Variants in ZNF891 observed in about 807,000 individuals in gnomAD.
The protein encoded by ZNF891 is hCG1646157.
For synonymous variants in ZNF891, 199 were observed against 209.0 expected (o/e 0.95, Z 0.41); for missense variants, 589 against 632.7 (o/e 0.93, Z 0.74).
In ZNF891 at chr12:133,117,985, T is replaced by A. The variant is rs892692708; in HGVS notation, c.*2299A>T. The A allele has an allele frequency of 1.4e-5, 2 of 144,626 alleles. No individual in the cohort carries two copies. Among genetic ancestry groups the A allele is most frequent in the Non-Finnish European group, 3.0e-5 (2 of 66,828 alleles). 9.0% of individuals were successfully genotyped at this position (144,626 alleles called of 1,614,324 possible). On this transcript the variant is annotated 3_prime_UTR_variant, in exon 2 of 2. Transcript: ENST00000537226. The stretch of plus-strand genomic sequence containing the variant: ...TTTTTTGAGATGAAGTCCTGCTCTG[T>A]CACCAGGCTGGAGTGCAGTGGTGAG...
chr12:133,107,020 G>A lies in ZNF891; in HGVS notation c.*13264C>T, dbSNP rs970525329. On this transcript the variant is annotated 3_prime_UTR_variant, in exon 2 of 2. Transcript: ENST00000537226. ...AAAGCCAGAGATTAGCCCTCATTCC[G>A]CATCTGTCAACCAGGACAGAAAGCA... The A allele has an allele frequency of 1.8e-5, 3 of 163,504 alleles. No homozygotes were observed. The highest frequency in any genetic ancestry group is 1.8e-4 in the Admixed American group (3 of 16,582). 10.1% of individuals were successfully genotyped at this position (163,504 alleles called of 1,614,324 possible). A position where few individuals can be genotyped will look rare whatever the true frequency, so the allele number is the denominator to read the frequency against.
chr12:133,106,764 A>C lies in ZNF891; in HGVS notation c.*13520T>G. ...CCTTATGTGAAAGTGATGACTGTGA[A>C]GTAATATGGCCCACACTTTATTCAC... On this transcript the variant is annotated 3_prime_UTR_variant, in exon 2 of 2. Coordinates refer to ENST00000537226, the MANE Select transcript of ZNF891 (RefSeq NM_001277291.2). 1.0e-6 allele frequency: 1 copy of C among 996,316 alleles called. No homozygotes were observed. The highest frequency in any genetic ancestry group is 1.9e-5 in the South Asian group (1 of 53,184). The allele number at this position is 996,316 out of a possible 1,614,324, so 61.7% of individuals were successfully genotyped here.
chr12:133,126,473 CAAAAA>C (rs869209894), intron 1 of ZNF891, among the ~76,000 whole-genome samples: 2 of 58,346 alleles, frequency 3.4e-5, no homozygotes, highest in African/African-American at 1.3e-4. Context: ...GACTCCGTCT[CAAAAA>C]AAAAAAAAAA....
chr12:133,122,001 G>C lies in ZNF891; in HGVS notation c.-83C>G. 7.1e-7 allele frequency: 1 copy of C among 1,407,366 alleles called. No homozygotes were observed. Among genetic ancestry groups the C allele is most frequent in the Non-Finnish European group, 9.2e-7 (1 of 1,083,554 alleles). 87.2% of individuals were successfully genotyped at this position (1,407,366 alleles called of 1,614,324 possible). On this transcript the variant is annotated 5_prime_UTR_variant, in exon 2 of 2. It adds an upstream start codon to the 5' untranslated region. Coordinates refer to ENST00000537226, the MANE Select transcript of ZNF891 (RefSeq NM_001277291.2). ...GTGTCTCCAATCCAGTCACAGGAGG[G>C]ATGCATTTCACCCGAAGTTCTCCCT...
rs781218697 is a variant in ZNF891, at chr12:133,106,293, G to A, written c.*13991C>T. 34 of 1,614,054 alleles carry A rather than the reference G, an allele frequency of 2.1e-5. No homozygotes were observed. Among genetic ancestry groups the A allele is most frequent in the African/African-American group, 1.9e-4 (14 of 74,930 alleles). The stretch of plus-strand genomic sequence containing the variant: ...TGTAATGAATGTAGGAAAGCTTTCC[G>A]TTGTCACTCATTCCTTATTAAACAT... On this transcript the variant is annotated 3_prime_UTR_variant, in exon 2 of 2. Transcript: ENST00000537226.
chr12:133,117,636 A>G lies in ZNF891; in HGVS notation c.*2648T>C, dbSNP rs1241187757. On this transcript the variant is annotated 3_prime_UTR_variant, in exon 2 of 2. Transcript: ENST00000537226. Reference sequence around the variant, plus strand: ...GCTGCATATTAAACCTCACCATACTACATTCATCACATTAGAATTCAAACA... The same window carrying G: ...GCTGCATATTAAACCTCACCATACTGCATTCATCACATTAGAATTCAAACA... 6.6e-6 allele frequency: 1 copy of G among 152,248 alleles called. No individual in the cohort carries two copies. Among genetic ancestry groups the G allele is most frequent in the Admixed American group, 6.5e-5 (1 of 15,286 alleles). The allele number at this position is 152,248 out of a possible 1,614,324, so 9.4% of individuals were successfully genotyped here. A position where few individuals can be genotyped will look rare whatever the true frequency, so the allele number is the denominator to read the frequency against.
chr12:133,106,260 C>G lies in ZNF891; in HGVS notation c.*14024G>C, dbSNP rs145642591. On this transcript the variant is annotated 3_prime_UTR_variant, in exon 2 of 2. Coordinates refer to ENST00000537226, the MANE Select transcript of ZNF891 (RefSeq NM_001277291.2). ...CAGAGCATCCATACAACCAAAACCCCGTATGAATGTAATGAATGTAGGAAA... is the reference window on the plus strand; with the variant it reads ...CAGAGCATCCATACAACCAAAACCCGGTATGAATGTAATGAATGTAGGAAA... The G allele has an allele frequency of 5.6e-6, 9 of 1,614,138 alleles. No individual in the cohort carries two copies. The highest frequency in any genetic ancestry group is 6.8e-6 in the Non-Finnish European group (8 of 1,180,016).
In ZNF891 at chr12:133,106,353, GTGA is replaced by G; in HGVS notation, c.*13928_*13930del. The G allele has an allele frequency of 6.2e-7, 1 of 1,614,128 alleles. No individual in the cohort carries two copies. The highest frequency in any genetic ancestry group is 8.5e-7 in the Non-Finnish European group (1 of 1,179,996). ...CATGCTGGAGAAAAGCTCTATGAAT[GTGA>G]TGAATGTGGTAAAGTTTTCACTTGG... On this transcript the variant is annotated 3_prime_UTR_variant, in exon 2 of 2. Transcript: ENST00000537226.
chr12:133,125,330 T>C (rs1955804501), intron 1 of ZNF891: 1 of 152,484 alleles, frequency 6.6e-6, no homozygotes, highest in East Asian at 1.9e-4. Flanking sequence ...ATAAATTTGA[T>C]ATAAAGGAAT....
rs201035536 is a variant in ZNF891, at chr12:133,105,482, C to T, written c.*14802G>A. 5 of 1,538,220 alleles carry T rather than the reference C, an allele frequency of 3.3e-6. No individual in the cohort carries two copies. Among genetic ancestry groups the T allele is most frequent in the Non-Finnish European group, 4.4e-6 (5 of 1,145,508 alleles). ...TTTTATTCAATACAGGAAAAAGAAA[C>T]ATTCACTTTTTTTTTGGTATCTTTC... On this transcript the variant is annotated 3_prime_UTR_variant, in exon 2 of 2. Transcript: ENST00000537226.
In ZNF891 at chr12:133,106,543, C is replaced by T. The variant is rs575133240; in HGVS notation, c.*13741G>A. 2 of 1,613,994 alleles carry T rather than the reference C, an allele frequency of 1.2e-6. No homozygotes were observed. Among genetic ancestry groups the T allele is most frequent in the Admixed American group, 3.3e-5 (2 of 60,028 alleles). ...TATGTAAGGTATGCAACAAATCCTT[C>T]AGCTGGAGCTCAAACCTTGCTAAAC... On this transcript the variant is annotated 3_prime_UTR_variant, in exon 2 of 2. Transcript: ENST00000537226.
Position 133,106,665 on chromosome 12 carries a change from A to G in ZNF891, c.*13619T>C, listed in dbSNP as rs1421384981. Reference sequence around the variant, plus strand: ...GAACACCAGTGAATTTACACTGCAAAGAAAAACTATGAATGTATGGAATTT... The same window carrying G: ...GAACACCAGTGAATTTACACTGCAAGGAAAAACTATGAATGTATGGAATTT... On this transcript the variant is annotated 3_prime_UTR_variant, in exon 2 of 2. Transcript: ENST00000537226. The G allele has an allele frequency of 1.3e-6, 2 of 1,544,336 alleles. No individual in the cohort carries two copies. Among genetic ancestry groups the G allele is most frequent in the Non-Finnish European group, 8.7e-7 (1 of 1,153,426 alleles).
rs940273693 is a variant in ZNF891 at position 133,105,307 on chromosome 12, T to C, written c.*14977A>G. On this transcript the variant is annotated 3_prime_UTR_variant, in exon 2 of 2. Transcript: ENST00000537226. The stretch of plus-strand genomic sequence containing the variant: ...CTTTCAATTACTTACGTTTACACTT[T>C]CTCTTTATTTACCTATATGTCTATC... Among the ~76,000 whole-genome samples the C allele has an allele frequency of 9.9e-5, 15 of 152,226 alleles. No homozygotes were observed. The highest frequency in any genetic ancestry group is 1.5e-5 in the Non-Finnish European group (1 of 68,042).
In ZNF891 at chr12:133,117,875, A is replaced by G. The variant is rs1955724139; in HGVS notation, c.*2409T>C. 1 of 151,760 alleles carries G rather than the reference A, an allele frequency of 6.6e-6. No individual in the cohort carries two copies. The highest frequency in any genetic ancestry group is 1.5e-5 in the Non-Finnish European group (1 of 67,988). The allele number at this position is 151,760 out of a possible 1,614,324, so 9.4% of individuals were successfully genotyped here. The stretch of plus-strand genomic sequence containing the variant: ...TCACAAATGATCTTCACTTGGCTGT[A>G]TATGTTTACCTTTTTAGACTTCATC... On this transcript the variant is annotated 3_prime_UTR_variant, in exon 2 of 2. Coordinates refer to ENST00000537226, the MANE Select transcript of ZNF891 (RefSeq NM_001277291.2).
rs1179251814 is a variant in ZNF891, at chr12:133,112,596, A to T, written c.*7688T>A. On this transcript the variant is annotated 3_prime_UTR_variant, in exon 2 of 2. Transcript: ENST00000537226. ...TCTGCCTCCCGAAAACACTGGGATT[A>T]CAGGCGTGCGCCACTGCGCCTAGCC... 1 of 152,410 alleles carries T rather than the reference A, an allele frequency of 6.6e-6. No individual in the cohort carries two copies. The highest frequency in any genetic ancestry group is 1.5e-5 in the Non-Finnish European group (1 of 68,184). 9.4% of individuals were successfully genotyped at this position (152,410 alleles called of 1,614,324 possible).
Position 133,106,405 on chromosome 12 carries a change from G to A in ZNF891, c.*13879C>T, listed in dbSNP as rs779753365. 39 of 1,613,988 alleles carry A rather than the reference G, an allele frequency of 2.4e-5. No individual in the cohort carries two copies. In the Admixed American group the frequency reaches 3.3e-4, roughly 14 times the overall value. ...GGCATGCATCCCTTATTCAACATAC[G>A]AAGAGTCACACTGGAGAGAAACCCT... On this transcript the variant is annotated 3_prime_UTR_variant, in exon 2 of 2. Coordinates refer to ENST00000537226, the MANE Select transcript of ZNF891 (RefSeq NM_001277291.2).
At position 133,115,323 on chromosome 12, in the gene ZNF891, G is replaced by A. The variant is rs1273084868; in HGVS notation, c.*4961C>T. On this transcript the variant is annotated 3_prime_UTR_variant, in exon 2 of 2. Transcript: ENST00000537226. ...CAGGAGAATTGCTTGAACCCAGGAG[G>A]CAGAGGTTGCTGTGAGCCGAGAACG... 1.4e-5 allele frequency: 2 copies of A among 145,046 alleles called. No homozygotes were observed. Among genetic ancestry groups the A allele is most frequent in the East Asian group, 4.0e-4 (2 of 4,960 alleles). 9.0% of individuals were successfully genotyped at this position (145,046 alleles called of 1,614,324 possible).
At position 133,106,840 on chromosome 12, in the gene ZNF891, C is replaced by T; in HGVS notation, c.*13444G>A. On this transcript the variant is annotated 3_prime_UTR_variant, in exon 2 of 2. Coordinates refer to ENST00000537226, the MANE Select transcript of ZNF891 (RefSeq NM_001277291.2). Reference sequence around the variant, plus strand: ...AATATGTGGAAAAGCCATTAATAACCACTCTTTTATTTTTTTGCAATAACA... The same window carrying T: ...AATATGTGGAAAAGCCATTAATAACTACTCTTTTATTTTTTTGCAATAACA... The T allele has an allele frequency of 2.1e-6, 1 of 466,604 alleles. No individual in the cohort carries two copies. The highest frequency in any genetic ancestry group is 3.7e-6 in the Non-Finnish European group (1 of 270,960). 28.9% of individuals were successfully genotyped at this position (466,604 alleles called of 1,614,324 possible).
chr12:133,126,625 A>G (rs1406290038), intron 1 of ZNF891, among the ~76,000 whole-genome samples: 2 of 150,600 alleles, frequency 1.3e-5, no homozygotes, highest in Non-Finnish European at 3.0e-5. Flanking sequence ...AGCCTGGCCA[A>G]CACAGTGAAA....
Sources: gnomAD v4.1 joint callset for allele counts (sites outside exome capture counted in the v4.1 genomes callset) on GRCh38, gnomAD v4.1.1 for gene constraint, MANE v1.5 for transcripts, NCBI Gene and HGNC (gene_info 2026-07-23, HGNC 2026-07-21) for gene names.